EYS: variants seen among roughly 807,000 people sequenced by gnomAD.
EYS encodes protein eyes shut homolog.
EYS carries 250 observed loss-of-function variants against 282.1 expected under a neutral mutation model. The ratio of observed to expected loss-of-function variants is 0.89; its 90% confidence interval spans 0.80 to 0.98. EYS has a LOEUF of 0.98. Among genes scored for constraint, EYS ranks in the 50% least tolerant of loss-of-function variants. The pLI, the probability that EYS is intolerant of heterozygous loss-of-function variation, is 0.00. For missense variants in EYS, 4,016 were observed against 3,709.0 expected (o/e 1.08, Z -2.15); for synonymous variants, 1,355 against 1,282.9 (o/e 1.06, Z -1.20).
At chr6:64,016,729 G>T (rs1480265358) in intron 33 of EYS, among the ~76,000 whole-genome samples, 1 of 151,894 alleles carries the variant, frequency 6.6e-6, no homozygotes, top group Non-Finnish European at 1.5e-5. Context: ...GCCTATGTTG[G>T]CCTCCCACAG....
chr6:65,193,093 CA>C (rs1765681643), intron 12 of EYS, among the ~76,000 whole-genome samples: 1 of 151,870 alleles, frequency 6.6e-6, no homozygotes. Context: ...TTTACGTTCT[CA>C]CTCATCTGTG....
intron 13 of EYS, among the ~76,000 whole-genome samples, chr6:65,023,366 C>A (rs1772305169): frequency 6.6e-6 from 1 of 152,050 alleles, no homozygotes; most frequent in Non-Finnish European, 1.5e-5. Flanking sequence ...TTTTTCTCCA[C>A]CACTGGAACA....
chr6:64,591,651 T>G lies in EYS; in HGVS notation c.4216A>C (p.Thr1406Pro). ...SSLMSDFIFP[T>P]QSLLFENCQT... is the part of the protein sequence containing the mutation. ...CAGTTCTCAAATAATAAAGATTGTG[T>G]AGGAAAAATAAAATCTGACATTAAG... Residue 1406 changes from threonine (T) to proline (P), a missense_variant, in exon 26 of 43, where the codon ACA becomes CCA. Transcript: ENST00000503581. 6.4e-7 allele frequency: 1 copy of G among 1,551,188 alleles called. No individual in the cohort carries two copies. Among genetic ancestry groups the G allele is most frequent in the Non-Finnish European group, 8.7e-7 (1 of 1,146,726 alleles).
chr6:64,023,903 C>T (rs897120688), intron 33 of EYS, among the ~76,000 whole-genome samples: 13 of 152,226 alleles, frequency 8.5e-5, no homozygotes, highest in Non-Finnish European at 1.5e-4. Flanking sequence ...CCCAGGGCAC[C>T]GAGGGGCTTA....
At chr6:64,003,535 T>C (rs567825440) in intron 33 of EYS, among the ~76,000 whole-genome samples, 27 of 152,280 alleles carry the variant, frequency 1.8e-4, no homozygotes, top group African/African-American at 6.3e-4. Flanking sequence ...TGTATCTGTG[T>C]CAAAACATCC....
At chr6:63,997,160 T>A (rs1013267718) in intron 34 of EYS, among the ~76,000 whole-genome samples, 1 of 152,318 alleles carries the variant, frequency 6.6e-6, no homozygotes, top group Non-Finnish European at 1.5e-5. Context: ...AGTTCTTATA[T>A]CTTTATTCCA....
At chr6:63,815,268 C>T (rs549665796) in intron 36 of EYS, among the ~76,000 whole-genome samples, 1 of 152,136 alleles carries the variant, frequency 6.6e-6, no homozygotes, top group South Asian at 2.1e-4. Flanking sequence ...TACCTCATTC[C>T]TATCTTATAG....
At chr6:65,052,216 G>A (rs1488004671) in intron 13 of EYS, among the ~76,000 whole-genome samples, 2 of 151,486 alleles carry the variant, frequency 1.3e-5, no homozygotes, top group African/African-American at 2.4e-5. Context: ...CTGGGGGAAA[G>A]ATGAGTAAGT....
At chr6:63,950,563 T>G (rs142081968) in intron 35 of EYS, among the ~76,000 whole-genome samples, 2 of 152,318 alleles carry the variant, frequency 1.3e-5, no homozygotes, top group Non-Finnish European at 2.9e-5. Flanking sequence ...AAAGCCTGTT[T>G]GGTGGTCTCT....
At chr6:64,093,310 T>G (rs1383587321) in intron 31 of EYS, among the ~76,000 whole-genome samples, 1 of 152,178 alleles carries the variant, frequency 6.6e-6, no homozygotes, top group Non-Finnish European at 1.5e-5. Context: ...GGTAGCTTGA[T>G]GGGGATGGCA....
intron 2 of EYS, among the ~76,000 whole-genome samples, chr6:65,496,218 G>A (rs962187093): frequency 6.6e-6 from 1 of 151,742 alleles, no homozygotes; most frequent in South Asian, 2.1e-4. Context: ...GGAAAAGAAA[G>A]TCAAAAAGCA....
chr6:63,926,882 A>G (rs909733898), intron 35 of EYS, among the ~76,000 whole-genome samples: 1 of 152,202 alleles, frequency 6.6e-6, no homozygotes, highest in African/African-American at 2.4e-5. Context: ...GAATTCAACT[A>G]TTATATTAAT....
intron 29 of EYS, among the ~76,000 whole-genome samples, chr6:64,318,069 T>C (rs1187032517): frequency 6.6e-6 from 1 of 151,900 alleles, no homozygotes; most frequent in Non-Finnish European, 1.5e-5. Context: ...GGGAGAAATA[T>C]CTAAAGTTGA....
intron 2 of EYS, among the ~76,000 whole-genome samples, chr6:65,591,014 T>C (rs529281193): frequency 6.6e-6 from 1 of 152,190 alleles, no homozygotes; most frequent in Admixed American, 6.6e-5. Context: ...TGCTATATCA[T>C]ACTAAAGTTC....
chr6:65,582,713 CA>C (rs1764912653), intron 2 of EYS, among the ~76,000 whole-genome samples: 1 of 152,194 alleles, frequency 6.6e-6, no homozygotes, highest in Non-Finnish European at 1.5e-5. Flanking sequence ...CCTATCCCAA[CA>C]GAGGGATTTC....
At chr6:65,179,825 G>A (rs542831830) in intron 12 of EYS, among the ~76,000 whole-genome samples, 7 of 151,964 alleles carry the variant, frequency 4.6e-5, no homozygotes, top group African/African-American at 9.6e-5. Flanking sequence ...CTGGCAAACC[G>A]AATCCAGCAG....
intron 2 of EYS, among the ~76,000 whole-genome samples, chr6:65,511,121 G>A (rs1582396060): frequency 6.6e-6 from 1 of 152,066 alleles, no homozygotes; most frequent in Non-Finnish European, 1.5e-5. Context: ...TTGACAAACA[G>A]TAACTAGACT....
intron 33 of EYS, among the ~76,000 whole-genome samples, chr6:64,029,762 A>C (rs1012657548): frequency 6.6e-6 from 1 of 152,218 alleles, no homozygotes; most frequent in Admixed American, 6.5e-5. Context: ...CTCTTCCCCC[A>C]GGGACCAGTG....
chr6:63,720,752 A>ACC lies in EYS; in HGVS notation c.9277_9278dup (p.Arg3094ValfsTer4), dbSNP rs869312188. The ACC allele has an allele frequency of 5.8e-6, 9 of 1,550,490 alleles. No homozygotes were observed. Among genetic ancestry groups the ACC allele is most frequent in the Non-Finnish European group, 7.9e-6 (9 of 1,146,320 alleles). On this transcript the variant is annotated frameshift_variant, in exon 43 of 43. Transcript: ENST00000503581. LOFTEE classifies it high-confidence loss of function. ...CTTGAGTAACGATATTTACCTTTCT[A>ACC]CCATATTCAAAGCCCCCTAGATAAC...
Sources: gnomAD v4.1 joint callset for allele counts (sites outside exome capture counted in the v4.1 genomes callset) on GRCh38, gnomAD v4.1.1 for gene constraint, MANE v1.5 for transcripts, NCBI Gene and HGNC (gene_info 2026-07-23, HGNC 2026-07-21) for gene names.